FBN1: variants seen among roughly 807,000 people sequenced by gnomAD.
The protein encoded by FBN1 is fibrillin-1.
In FBN1, 29 loss-of-function variants were observed where a neutral mutation model predicts 365.1. The observed-to-expected ratio is 0.08, with a 90% CI of 0.06 to 0.11. FBN1 has a LOEUF of 0.11. Among genes scored for constraint, FBN1 ranks in the 10% least tolerant of loss-of-function variants. FBN1 has a pLI of 1.00. For missense variants in FBN1, 2,476 were observed against 3,703.2 expected (o/e 0.67, Z 8.60); for synonymous variants, 1,210 against 1,270.5 (o/e 0.95, Z 1.01).
intron 4 of FBN1, among the ~76,000 whole-genome samples, chr15:48,607,324 TTATA>T (rs981394914): frequency 1.4e-4 from 20 of 147,444 alleles, no homozygotes; most frequent in African/African-American, 4.9e-4. Context: ...TCATATATAA[TTATA>T]TATATAATTA....
intron 56 of FBN1, among the ~76,000 whole-genome samples, chr15:48,429,067 T>G (rs1378791712): frequency 6.6e-6 from 1 of 151,566 alleles, no homozygotes; most frequent in Non-Finnish European, 1.5e-5. Flanking sequence ...GATAGCATTT[T>G]ATATACTTAA....
chr15:48,482,590 G>A (rs1339231652), intron 31 of FBN1, among the ~76,000 whole-genome samples: 1 of 152,166 alleles, frequency 6.6e-6, no homozygotes, highest in East Asian at 1.9e-4. Flanking sequence ...CTTGAGTTGA[G>A]GAGATGAATC....
At chr15:48,427,958 T>C (rs2042993260) in intron 57 of FBN1, 185 bp from the exon 58 acceptor site, 1 of 705,730 alleles carries the variant, frequency 1.4e-6, no homozygotes, top group Non-Finnish European at 2.6e-6. Context: ...GGGAAACAAA[T>C]AAGACATTCA....
At chr15:48,489,596 T>C (rs1258240267) in intron 25 of FBN1, among the ~76,000 whole-genome samples, 1 of 152,208 alleles carries the variant, frequency 6.6e-6, no homozygotes, top group Non-Finnish European at 1.5e-5. Flanking sequence ...TGAGTTTACG[T>C]AACTGACATT....
At chr15:48,443,109 C>T (rs372869258) in intron 49 of FBN1, among the ~76,000 whole-genome samples, 6 of 152,236 alleles carry the variant, frequency 3.9e-5, no homozygotes, top group Admixed American at 6.5e-5. Flanking sequence ...TTCTGTGCAA[C>T]GCAAAATCAG....
At chr15:48,519,895 C>G (rs1007206956) in intron 10 of FBN1, among the ~76,000 whole-genome samples, 2 of 152,122 alleles carry the variant, frequency 1.3e-5, no homozygotes, top group Non-Finnish European at 2.9e-5. Flanking sequence ...TGAGTTCATC[C>G]TGGGGAAATA....
intron 6 of FBN1, among the ~76,000 whole-genome samples, chr15:48,572,881 C>T (rs1274152803): frequency 1.3e-5 from 2 of 152,112 alleles, no homozygotes; most frequent in Non-Finnish European, 2.9e-5. Context: ...TCTTATTAGT[C>T]ACTGCACTGT....
rs965020667 is a variant in FBN1, at chr15:48,495,559, T to C, written c.2449A>G (p.Ile817Val). The change falls in exon 21 of 66, where the codon ATT becomes GTT. Residue 817 changes from isoleucine to valine, a missense_variant. Coordinates refer to ENST00000316623, the MANE Select transcript of FBN1 (RefSeq NM_000138.5). ...GGGCTGTTCTTGCAGACTCCATTAA[T>C]GCAAGGACTTGATTCGCATTCATCA... ...DIDECESSPC[I>V]NGVCKNSPGS... 2.5e-6 allele frequency: 4 copies of C among 1,613,988 alleles called. No homozygotes were observed. Among genetic ancestry groups the C allele is most frequent in the African/African-American group, 1.3e-5 (1 of 74,942 alleles).
intron 51 of FBN1, 176 bp from the exon 52 acceptor site, chr15:48,437,563 C>T (rs1641654871): frequency 2.5e-6 from 2 of 796,470 alleles, no homozygotes; most frequent in South Asian, 1.6e-5. Context: ...GTTGTGTCTA[C>T]TCCTTGGGCA....
At chr15:48,438,814 C>T (rs1403379479) in intron 50 of FBN1, among the ~76,000 whole-genome samples, 1 of 152,152 alleles carries the variant, frequency 6.6e-6, no homozygotes, top group Non-Finnish European at 1.5e-5. Context: ...TCTCATACAA[C>T]ACATTGACTC....
At chr15:48,475,011 G>GTGCA (rs1336799644) in intron 32 of FBN1, among the ~76,000 whole-genome samples, 2,462 of 152,026 alleles carry the variant, frequency 0.016, 75 homozygotes, top group African/African-American at 0.057. Context: ...TTTTTAGTAA[G>GTGCA]TCAACTATGG....
intron 2 of FBN1, among the ~76,000 whole-genome samples, chr15:48,615,399 G>C (rs1399360311): frequency 6.6e-6 from 1 of 151,972 alleles, no homozygotes. Flanking sequence ...AGAAACAAAG[G>C]ATCCAGAATA....
intron 6 of FBN1, among the ~76,000 whole-genome samples, chr15:48,551,993 T>C (rs1293530549): frequency 1.3e-5 from 2 of 152,206 alleles, no homozygotes; most frequent in Admixed American, 6.5e-5. Context: ...TATAATATAA[T>C]GATTTATGTT....
At chr15:48,444,122 A>G (rs2043136539) in intron 49 of FBN1, among the ~76,000 whole-genome samples, 1 of 152,224 alleles carries the variant, frequency 6.6e-6, no homozygotes, top group South Asian at 2.1e-4. Flanking sequence ...TCTATAGGTA[A>G]AAACAAAATA....
intron 6 of FBN1, among the ~76,000 whole-genome samples, chr15:48,549,175 T>C (rs1251165715): frequency 6.6e-6 from 1 of 152,232 alleles, no homozygotes; most frequent in Non-Finnish European, 1.5e-5. Flanking sequence ...GTTCTTAACT[T>C]GAAGACCACA....
At chr15:48,466,561 G>A (rs2043323983) in intron 38 of FBN1, among the ~76,000 whole-genome samples, 1 of 152,208 alleles carries the variant, frequency 6.6e-6, no homozygotes, top group Non-Finnish European at 1.5e-5. Context: ...TCATCCCAGT[G>A]AGGAGCTATA....
intron 64 of FBN1, among the ~76,000 whole-genome samples, chr15:48,414,431 G>GTA (rs1454178755): frequency 2.0e-5 from 3 of 152,010 alleles, no homozygotes; most frequent in Non-Finnish European, 2.9e-5. Context: ...AGTACATAAT[G>GTA]TATATATATA....
intron 9 of FBN1, among the ~76,000 whole-genome samples, chr15:48,521,087 T>A (rs1283213598): frequency 1.3e-5 from 2 of 152,194 alleles, no homozygotes; most frequent in Admixed American, 6.5e-5. Context: ...ATTAAAACCA[T>A]GTGTGCCATA....
At chr15:48,606,019 T>C (rs2044605383) in intron 4 of FBN1, among the ~76,000 whole-genome samples, 1 of 152,100 alleles carries the variant, frequency 6.6e-6, no homozygotes, top group Non-Finnish European at 1.5e-5. Context: ...GAAACCACAG[T>C]AAGAGATGAC....
Sources: allele counts gnomAD v4.1 joint callset (sites outside exome capture counted in the v4.1 genomes callset), GRCh38; gene constraint gnomAD v4.1.1; transcripts MANE v1.5; gene names NCBI Gene and HGNC (gene_info 2026-07-23, HGNC 2026-07-21).